TSHZ2: variants seen among roughly 807,000 people sequenced by gnomAD.
The protein encoded by TSHZ2 is teashirt homolog 2.
Under a neutral mutation model 74.4 loss-of-function variants are expected in TSHZ2, and 21 were observed. The observed-to-expected ratio is 0.28, with a 90% confidence interval of 0.20 to 0.41. The LOEUF (loss-of-function observed/expected upper bound fraction) is 0.41. TSHZ2 is among the 10% of genes least tolerant of loss of function. TSHZ2 has a pLI of 1.00. For missense variants in TSHZ2, 1,244 were observed against 1,293.5 expected (o/e 0.96, Z 0.59); for synonymous variants, 540 against 515.3 (o/e 1.05, Z -0.65).
intron 2 of TSHZ2, among the ~76,000 whole-genome samples, chr20:53,281,064 A>C (rs1250817659): frequency 6.6e-6 from 1 of 152,248 alleles, no homozygotes; most frequent in Non-Finnish European, 1.5e-5. Flanking sequence ...TGAGCAAGGC[A>C]AAGAAAGCCT....
chr20:53,335,829 A>AG (rs11420179), intron 2 of TSHZ2, among the ~76,000 whole-genome samples: 80,955 of 151,900 alleles, frequency 0.53, 23,092 homozygotes, highest in African/African-American at 0.74. Context: ...AGGCGGCAAA[A>AG]TCTTAGCTGT....
In TSHZ2 at chr20:53,030,344, A is replaced by G. The variant is rs1983589446; in HGVS notation, c.40+57011A>G. On this transcript the variant is annotated intron_variant, in intron 1 of 2. Coordinates refer to ENST00000371497, the MANE Select transcript of TSHZ2 (RefSeq NM_173485.6). Reference sequence around the variant, plus strand: ...TTTTCAGTTTCCCTGGAAATAGAGCACTGACTTAAAAAAAAAAAAAAAATA... The same window carrying G: ...TTTTCAGTTTCCCTGGAAATAGAGCGCTGACTTAAAAAAAAAAAAAAAATA... Among the ~76,000 whole-genome samples, 3 of 105,716 alleles carry G rather than the reference A, an allele frequency of 2.8e-5. No individual in the cohort carries two copies. In the South Asian group the frequency reaches 1.2e-3, roughly 41 times the overall value. 69.4% of individuals were successfully genotyped at this position (105,716 alleles called of 152,430 possible).
chr20:53,267,120 C>T lies in TSHZ2; in HGVS notation c.*8+10549C>T, dbSNP rs190346509. ...ACCACACAGGTAAACGTTGATGGCACTGGTAAGAGTACCACCTATGAGGCT... is the reference window on the plus strand; with the variant it reads ...ACCACACAGGTAAACGTTGATGGCATTGGTAAGAGTACCACCTATGAGGCT... On this transcript the variant is annotated intron_variant, in intron 2 of 2. Coordinates refer to ENST00000371497, the MANE Select transcript of TSHZ2 (RefSeq NM_173485.6). Among the ~76,000 whole-genome samples the T allele has an allele frequency of 1.3e-4, 20 of 152,312 alleles. No homozygotes were observed. In the East Asian group the frequency reaches 3.9e-3, roughly 29 times the overall value.
At chr20:53,098,128 T>C (rs1986109155) in intron 1 of TSHZ2, 3 of 152,180 alleles carry the variant, frequency 2.0e-5, no homozygotes, top group South Asian at 2.1e-4. Context: ...ATCAGCAGAA[T>C]ATTGTGGTTA....
chr20:53,131,278 T>C (rs554323982), intron 1 of TSHZ2, among the ~76,000 whole-genome samples: 1 of 152,348 alleles, frequency 6.6e-6, no homozygotes, highest in South Asian at 2.1e-4. Flanking sequence ...GAAAGAAAAG[T>C]AATAAATAAT....
rs1986513837 is a variant in TSHZ2, at chr20:53,494,051, G to A, written c.*6916G>A. On this transcript the variant is annotated 3_prime_UTR_variant, in exon 3 of 3. Coordinates refer to ENST00000371497, the MANE Select transcript of TSHZ2 (RefSeq NM_173485.6). The stretch of plus-strand genomic sequence containing the variant: ...TGTAACCCCTGCACTTTGGAAGGCT[G>A]AGGCAGGCGGATCACTTGAGGTCAG... 6.6e-6 allele frequency: 1 copy of A among 152,256 alleles called. No individual in the cohort carries two copies. The highest frequency in any genetic ancestry group is 1.5e-5 in the Non-Finnish European group (1 of 68,116). 9.4% of individuals were successfully genotyped at this position (152,256 alleles called of 1,614,324 possible).
At chr20:53,335,702 T>C (rs1389314190) in intron 2 of TSHZ2, among the ~76,000 whole-genome samples, 1 of 152,270 alleles carries the variant, frequency 6.6e-6, no homozygotes, top group East Asian at 1.9e-4. Flanking sequence ...AAGGAACAAA[T>C]GAGCTCATGG....
intron 2 of TSHZ2, among the ~76,000 whole-genome samples, chr20:53,458,658 G>A (rs1394168115): frequency 6.6e-6 from 1 of 151,818 alleles, no homozygotes; most frequent in East Asian, 1.9e-4. Context: ...TGATGTTAGG[G>A]TGTCAATTTT....
At chr20:53,344,208 CTCCTCATCA>C (rs1470816580) in intron 2 of TSHZ2, among the ~76,000 whole-genome samples, 7 of 150,214 alleles carry the variant, frequency 4.7e-5, no homozygotes, top group Non-Finnish European at 5.9e-5. Context: ...CACCCTCCTC[CTCCTCATCA>C]TCATCATCAT....
intron 1 of TSHZ2, among the ~76,000 whole-genome samples, chr20:52,992,382 C>A (rs999527614): frequency 6.6e-6 from 1 of 152,108 alleles, no homozygotes; most frequent in African/African-American, 2.4e-5. Flanking sequence ...ATAGATAAAC[C>A]GATGCATGCA....
chr20:53,462,783 G>A (rs989032068), intron 2 of TSHZ2, among the ~76,000 whole-genome samples: 1 of 152,170 alleles, frequency 6.6e-6, no homozygotes, highest in Non-Finnish European at 1.5e-5. Flanking sequence ...ACACATGCTT[G>A]GAAGCTTCCA....
intron 1 of TSHZ2, among the ~76,000 whole-genome samples, chr20:52,989,502 T>A (rs993199424): frequency 4.6e-5 from 7 of 152,322 alleles, no homozygotes; most frequent in African/African-American, 1.7e-4. Context: ...TAATTAAGCT[T>A]TACAAATAGT....
chr20:53,441,622 A>T (rs1273823345), intron 2 of TSHZ2, among the ~76,000 whole-genome samples: 1 of 140,516 alleles, frequency 7.1e-6, no homozygotes, highest in Non-Finnish European at 1.5e-5. Flanking sequence ...TCGCTCTGTC[A>T]CCCAGGCTGG....
At chr20:53,302,864 A>G (rs1978363979) in intron 2 of TSHZ2, among the ~76,000 whole-genome samples, 1 of 152,164 alleles carries the variant, frequency 6.6e-6, no homozygotes, top group Non-Finnish European at 1.5e-5. Flanking sequence ...GCCCTATCTC[A>G]TTACTCAAAA....
In TSHZ2 at chr20:53,269,797, TA is replaced by T. The variant is rs55746415; in HGVS notation, c.*8+13236del. ...ATGTACCCTAAAACTTAGAGTATAA[TA>T]AAAAAAAAAGAAAAGAAAATCCATG... On this transcript the variant is annotated intron_variant, in intron 2 of 2. Transcript: ENST00000371497. 5.1e-4 allele frequency among the ~76,000 whole-genome samples: 73 copies of T among 144,442 alleles called. 1 individual carries two copies. Among genetic ancestry groups the T allele is most frequent in the East Asian group, 3.2e-3 (16 of 4,992 alleles). The allele number at this position is 144,442 out of a possible 152,430, so 94.8% of individuals were successfully genotyped here.
intron 1 of TSHZ2, among the ~76,000 whole-genome samples, chr20:53,238,984 G>A (rs1410871234): frequency 6.6e-6 from 1 of 152,162 alleles, no homozygotes; most frequent in Non-Finnish European, 1.5e-5. Context: ...GCCAACAGTA[G>A]GAAATGGATG....
Position 52,973,240 on chromosome 20 carries a change from C to T in TSHZ2, c.-54C>T. On this transcript the variant is annotated 5_prime_UTR_variant, in exon 1 of 3. It introduces an in-frame stop codon into an upstream open reading frame of the 5' UTR. Transcript: ENST00000371497. ...GAGAGGCCAGAGAGACAGCGGGCCC[C>T]AGCGCGCGGCTCGGGGCTGGGGCGC... is the stretch of plus-strand genomic sequence containing the variant. The T allele has an allele frequency of 6.4e-7, 1 of 1,551,022 alleles. No homozygotes were observed. Among genetic ancestry groups the T allele is most frequent in the Non-Finnish European group, 8.7e-7 (1 of 1,146,614 alleles).
At chr20:53,031,655 A>C (rs1014276747) in intron 1 of TSHZ2, among the ~76,000 whole-genome samples, 5 of 152,332 alleles carry the variant, frequency 3.3e-5, no homozygotes, top group Non-Finnish European at 5.9e-5. Flanking sequence ...TTCACTCTGT[A>C]GTGGGAGGGT....
At chr20:53,084,374 A>C (rs985995026) in intron 1 of TSHZ2, among the ~76,000 whole-genome samples, 1 of 152,198 alleles carries the variant, frequency 6.6e-6, no homozygotes, top group Non-Finnish European at 1.5e-5. Flanking sequence ...TTTTCCACTA[A>C]GATTTTTCAC....
Sources: gnomAD v4.1 joint callset for allele counts (sites outside exome capture counted in the v4.1 genomes callset) on GRCh38, gnomAD v4.1.1 for gene constraint, MANE v1.5 for transcripts, NCBI Gene and HGNC (gene_info 2026-07-23, HGNC 2026-07-21) for gene names.